The following SPOCK3 variants were observed in gnomAD, a reference collection of about 807,000 sequenced individuals.
The protein encoded by SPOCK3 is SPARC (osteonectin), cwcv and kazal like domains proteoglycan 3, also known as testican-3.
SPOCK3 carries 30 observed loss-of-function variants against 56.6 expected under a neutral mutation model. The observed-to-expected ratio is 0.53, with a 90% CI of 0.40 to 0.72. The LOEUF is 0.72. SPOCK3 is among the 30% of genes least tolerant of loss of function. SPOCK3 has a pLI of 0.00. For synonymous variants in SPOCK3, 196 were observed against 183.3 expected, an observed-to-expected ratio of 1.07 and a Z score of -0.56; for missense variants, 527 against 530.0, an observed-to-expected ratio of 0.99 and a Z score of 0.06.
rs553283395 is a variant in SPOCK3 at position 167,017,467 on chromosome 4, GGA to G, written c.236-17006_236-17005del. 3.4e-4 allele frequency among the ~76,000 whole-genome samples: 51 copies of G among 152,206 alleles called. 1 individual carries two copies. The South Asian group carries it at 8.5e-3, about 25-fold the overall frequency. On this transcript the variant is annotated intron_variant, in intron 3 of 10. Transcript: ENST00000357545. Reference sequence around the variant, plus strand: ...ACTGAAGTGATCTTGTCTCCAGAGTGGAGTAGAGCCACTGGATAGATAGAGGC... The same window carrying G: ...ACTGAAGTGATCTTGTCTCCAGAGTGGTAGAGCCACTGGATAGATAGAGGC...
intron 3 of SPOCK3, among the ~76,000 whole-genome samples, chr4:167,037,944 A>G (rs1354091738): frequency 6.6e-6 from 1 of 152,174 alleles, no homozygotes; most frequent in Non-Finnish European, 1.5e-5. Flanking sequence ...GCACTGATAT[A>G]ACGACAAACC....
chr4:167,108,762 T>C (rs531628595), intron 2 of SPOCK3, among the ~76,000 whole-genome samples: 10 of 150,882 alleles, frequency 6.6e-5, no homozygotes, highest in Non-Finnish European at 1.5e-4. Flanking sequence ...ACAGTAACTG[T>C]AGTCAAAAAT....
At chr4:166,887,860 G>A (rs1393388305) in intron 6 of SPOCK3, among the ~76,000 whole-genome samples, 20 of 140,074 alleles carry the variant, frequency 1.4e-4, no homozygotes, top group Non-Finnish European at 9.2e-5. Context: ...ATAACTTATG[G>A]AAAAAAAAAA....
At chr4:167,088,840 C>CCTATAGGTAGG (rs1561203262) in intron 2 of SPOCK3, among the ~76,000 whole-genome samples, 1 of 152,140 alleles carries the variant, frequency 6.6e-6, no homozygotes, top group Non-Finnish European at 1.5e-5. Flanking sequence ...CTAGTACCTA[C>CCTATAGGTAGG]ATTCGATGAT....
At chr4:166,754,830 A>ACTATTCATTAGATGTCC in intron 7 of SPOCK3, 101 bp from the exon 8 acceptor site, 1 of 1,010,352 alleles carries the variant, frequency 9.9e-7, no homozygotes, top group Non-Finnish European at 1.5e-6. Context: ...AGGACATCTA[A>ACTATTCATTAGATGTCC]TGAATAGTTA....
At chr4:166,766,877 G>T (rs1394174470) in intron 7 of SPOCK3, among the ~76,000 whole-genome samples, 1 of 152,118 alleles carries the variant, frequency 6.6e-6, no homozygotes, top group Non-Finnish European at 1.5e-5. Context: ...CCTGTTATTG[G>T]TCTATTCAGG....
At chr4:167,208,778 G>C (rs1734592154) in intron 2 of SPOCK3, among the ~76,000 whole-genome samples, 1 of 151,926 alleles carries the variant, frequency 6.6e-6, no homozygotes, top group South Asian at 2.1e-4. Context: ...TCTGTGAAAA[G>C]GAATAGTGAT....
chr4:166,794,210 C>CAAAAAAAAAAAAAAAAAAAAAAAAAAAAA (rs10710162), intron 6 of SPOCK3, among the ~76,000 whole-genome samples: 1 of 73,612 alleles, frequency 1.4e-5, no homozygotes. Flanking sequence ...GGTGATAAGG[C>CAAAAAAAAAAAAAAAAAAAAAAAAAAAAA]AAAAAAAAAA....
In SPOCK3 at chr4:166,978,236, G is replaced by T. The variant is rs189341735; in HGVS notation, c.350+22113C>A. Among the ~76,000 whole-genome samples the T allele has an allele frequency of 3.5e-4, 53 of 151,864 alleles. 1 individual carries two copies. In the South Asian group the frequency reaches 8.5e-3, roughly 24 times the overall value. ...ATTCATATTTTATTTTATTTTTTCT[G>T]TTACATGAAATAATTCCTGGCACCT... On this transcript the variant is annotated intron_variant, in intron 4 of 10. Coordinates refer to ENST00000357545, the MANE Select transcript of SPOCK3 (RefSeq NM_001040159.2).
chr4:167,221,144 G>A (rs887676186), intron 2 of SPOCK3, among the ~76,000 whole-genome samples: 1 of 151,832 alleles, frequency 6.6e-6, no homozygotes, highest in African/African-American at 2.4e-5. Context: ...AGGATGGCTT[G>A]AGCCTAAGAG....
intron 4 of SPOCK3, among the ~76,000 whole-genome samples, chr4:166,928,473 C>T (rs1304918116): frequency 2.0e-5 from 3 of 152,140 alleles, no homozygotes; most frequent in African/African-American, 7.2e-5. Context: ...ATAAGAAATG[C>T]TGGAAAAGGC....
intron 2 of SPOCK3, among the ~76,000 whole-genome samples, chr4:167,181,693 G>A (rs150931931): frequency 1.3e-5 from 2 of 152,112 alleles, no homozygotes; most frequent in African/African-American, 2.4e-5. Context: ...CTTCTAACTG[G>A]AAAGCTCTTT....
chr4:166,753,964 T>G (rs2126488793), intron 8 of SPOCK3: 1 of 361,044 alleles, frequency 2.8e-6, no homozygotes, highest in South Asian at 1.2e-4. Context: ...ACCTCCTCCT[T>G]AGTATTAAGA....
At chr4:166,995,148 A>G (rs2150118859) in intron 4 of SPOCK3, among the ~76,000 whole-genome samples, 1 of 152,188 alleles carries the variant, frequency 6.6e-6, no homozygotes, top group African/African-American at 2.4e-5. Flanking sequence ...CTCTGTCTCA[A>G]CTTTTATCAT....
At chr4:166,928,052 C>G (rs951713908) in intron 4 of SPOCK3, among the ~76,000 whole-genome samples, 2 of 152,046 alleles carry the variant, frequency 1.3e-5, no homozygotes, top group Non-Finnish European at 2.9e-5. Context: ...ATTAGAATGG[C>G]CAAAACTCAG....
At chr4:166,794,835 G>T (rs1741749910) in intron 6 of SPOCK3, among the ~76,000 whole-genome samples, 1 of 151,922 alleles carries the variant, frequency 6.6e-6, no homozygotes, top group African/African-American at 2.4e-5. Context: ...TAGAGACGGG[G>T]TTTCACCATG....
chr4:167,208,676 A>G (rs1050262101), intron 2 of SPOCK3, among the ~76,000 whole-genome samples: 2 of 151,546 alleles, frequency 1.3e-5, no homozygotes, highest in African/African-American at 4.9e-5. Context: ...TGATGATAGT[A>G]AGCTGAATGA....
At chr4:166,765,264 G>A (rs1374896869) in intron 7 of SPOCK3, among the ~76,000 whole-genome samples, 1 of 152,180 alleles carries the variant, frequency 6.6e-6, no homozygotes, top group East Asian at 1.9e-4. Flanking sequence ...CCTTGCCCAT[G>A]CCTATGTCCT....
At chr4:166,882,831 T>C (rs925121765) in intron 6 of SPOCK3, 2 of 152,196 alleles carry the variant, frequency 1.3e-5, no homozygotes, top group African/African-American at 4.8e-5. Flanking sequence ...TTCAGACACA[T>C]TAATTTAATC....
Sources: allele counts gnomAD v4.1 joint callset (sites outside exome capture counted in the v4.1 genomes callset), GRCh38; gene constraint gnomAD v4.1.1; transcripts MANE v1.5; gene names NCBI Gene and HGNC (gene_info 2026-07-23, HGNC 2026-07-21).